ICA1L: variants seen among roughly 807,000 people sequenced by gnomAD.
The protein encoded by ICA1L is islet cell autoantigen 1-like protein.
In ICA1L, 50 loss-of-function variants were observed where a neutral mutation model predicts 61.3. That is an observed-to-expected ratio of 0.82 (90% CI 0.65 to 1.03). ICA1L has a LOEUF of 1.03. Ranked by LOEUF, ICA1L falls within the 50% of genes least tolerant of loss-of-function variation. The probability of loss-of-function intolerance (pLI) is 0.00; values close to 1 mark genes in which losing one functional copy is unlikely to be tolerated. For missense variants in ICA1L, 508 were observed against 556.7 expected (o/e 0.91, Z 0.88); for synonymous variants, 161 against 191.3 (o/e 0.84, Z 1.31).
In ICA1L at chr2:202,853,665, A is replaced by G. The variant is rs184434261; in HGVS notation, c.-8+17954T>C. Among the ~76,000 whole-genome samples, 199 of 152,300 alleles carry G rather than the reference A, an allele frequency of 1.3e-3. 1 individual carries two copies. Among genetic ancestry groups the G allele is most frequent in the African/African-American group, 4.4e-3 (184 of 41,568 alleles). ...AAGAACTCAAACAAATTTACAAGAA[A>G]AAAAAACCCCATCAAAAAGTGGGCA... On this transcript the variant is annotated intron_variant, in intron 1 of 12. Coordinates refer to ENST00000358299, the MANE Select transcript of ICA1L (RefSeq NM_001288622.3).
chr2:202,787,217 A>G (rs554438279), intron 11 of ICA1L, among the ~76,000 whole-genome samples: 22 of 152,322 alleles, frequency 1.4e-4, no homozygotes, highest in African/African-American at 5.1e-4. Flanking sequence ...GTGGTTTTCA[A>G]CTGTTCAGCT....
Position 202,785,922 on chromosome 2 carries a change from T to G in ICA1L, c.1329A>C (p.Thr443=). 1 of 1,529,412 alleles carries G rather than the reference T, an allele frequency of 6.5e-7. No individual in the cohort carries two copies. Among genetic ancestry groups the G allele is most frequent in the Non-Finnish European group, 9.0e-7 (1 of 1,110,978 alleles). The allele number at this position is 1,529,412 out of a possible 1,614,324, so 94.7% of individuals were successfully genotyped here. The part of the protein sequence containing the change: ...PVPSQSPKKL[T]RSPNNGNQDM... The stretch of plus-strand genomic sequence containing the variant: ...ATATATAAATAAATAACTTACATCT[T>G]GTTAATTTCTTTGGACTCTGTGAAG... The change falls in exon 12 of 13, where the codon ACA becomes ACC. Residue 443 remains threonine, a synonymous_variant. Coordinates refer to ENST00000358299, the MANE Select transcript of ICA1L (RefSeq NM_001288622.3).
chr2:202,829,741 G>A (rs866296984), intron 1 of ICA1L, among the ~76,000 whole-genome samples: 4 of 152,012 alleles, frequency 2.6e-5, no homozygotes, highest in Admixed American at 1.3e-4. Flanking sequence ...GATGACAAAC[G>A]TAATAAAACT....
rs1163811696 is a variant in ICA1L at position 202,779,418 on chromosome 2, T to C, written c.*115A>G. The C allele has an allele frequency of 1.7e-6, 1 of 600,032 alleles. No homozygotes were observed. The highest frequency in any genetic ancestry group is 2.9e-6 in the Non-Finnish European group (1 of 344,390). The allele number at this position is 600,032 out of a possible 1,614,324, so 37.2% of individuals were successfully genotyped here. A position where few individuals can be genotyped will look rare whatever the true frequency, so the allele number is the denominator to read the frequency against. ...CTGTCTAAAGTTGGCTGACAGGTGT[T>C]ATATTCACAAACACCGTGCTTTTGT... On this transcript the variant is annotated 3_prime_UTR_variant, in exon 13 of 13. Coordinates refer to ENST00000358299, the MANE Select transcript of ICA1L (RefSeq NM_001288622.3).
chr2:202,801,362 T>C (rs570301340), intron 9 of ICA1L, among the ~76,000 whole-genome samples: 6 of 152,304 alleles, frequency 3.9e-5, no homozygotes, highest in African/African-American at 1.4e-4. Flanking sequence ...ATGCATGAAA[T>C]TGGGATTAAG....
At chr2:202,784,032 CA>C (rs1451145182) in intron 12 of ICA1L, among the ~76,000 whole-genome samples, 17 of 152,088 alleles carry the variant, frequency 1.1e-4, no homozygotes, top group African/African-American at 4.1e-4. Context: ...GAAATTATTT[CA>C]AAATTTAAAG....
At chr2:202,803,105 C>T (rs1381271518) in intron 9 of ICA1L, among the ~76,000 whole-genome samples, 3 of 152,112 alleles carry the variant, frequency 2.0e-5, no homozygotes, top group Middle Eastern at 3.4e-3. Flanking sequence ...AGATGTATCT[C>T]AGTTATAAGG....
chr2:202,846,909 G>A (rs1298434520), intron 1 of ICA1L, among the ~76,000 whole-genome samples: 1 of 152,216 alleles, frequency 6.6e-6, no homozygotes, highest in Non-Finnish European at 1.5e-5. Context: ...TTGTAAGGGA[G>A]CTGGTCTCCC....
At chr2:202,826,982 TAAAAG>T (rs1290132146) in intron 2 of ICA1L, among the ~76,000 whole-genome samples, 2 of 152,162 alleles carry the variant, frequency 1.3e-5, no homozygotes, top group African/African-American at 2.4e-5. Flanking sequence ...ACTAAAATCT[TAAAAG>T]GAGGAGCAGG....
intron 1 of ICA1L, among the ~76,000 whole-genome samples, chr2:202,831,635 A>G (rs1463998813): frequency 6.6e-6 from 1 of 152,148 alleles, no homozygotes; most frequent in Non-Finnish European, 1.5e-5. Context: ...CTCTCTCCAT[A>G]TCTCTTTGGG....
At chr2:202,854,091 G>A (rs1694703860) in intron 1 of ICA1L, among the ~76,000 whole-genome samples, 2 of 152,042 alleles carry the variant, frequency 1.3e-5, no homozygotes, top group Non-Finnish European at 2.9e-5. Flanking sequence ...AAAAGACACA[G>A]ACTGGCAAAT....
At position 202,775,278 on chromosome 2, in the gene ICA1L, G is replaced by A. The variant is rs1226674784; in HGVS notation, c.*4255C>T. 3 of 152,064 alleles carry A rather than the reference G, an allele frequency of 2.0e-5. No homozygotes were observed. Among genetic ancestry groups the A allele is most frequent in the Non-Finnish European group, 2.9e-5 (2 of 68,012 alleles). The allele number at this position is 152,064 out of a possible 1,614,324, so 9.4% of individuals were successfully genotyped here. On this transcript the variant is annotated 3_prime_UTR_variant, in exon 13 of 13. Transcript: ENST00000358299. ...CATTGCTCAAGGTAGAGAAATGCAG[G>A]GCCCTGCCAACACTATGGAAGACAA...
At chr2:202,798,252 G>C (rs571251757) in intron 9 of ICA1L, among the ~76,000 whole-genome samples, 3 of 151,836 alleles carry the variant, frequency 2.0e-5, no homozygotes, top group South Asian at 4.2e-4. Context: ...TTTTGAGAAA[G>C]GGTCATGCTC....
chr2:202,776,193 CAATT>C lies in ICA1L; in HGVS notation c.*3336_*3339del, dbSNP rs1157139077. 6.6e-6 allele frequency: 1 copy of C among 151,764 alleles called. No homozygotes were observed. The highest frequency in any genetic ancestry group is 2.4e-5 in the African/African-American group (1 of 41,060). 9.4% of individuals were successfully genotyped at this position (151,764 alleles called of 1,614,324 possible). On this transcript the variant is annotated 3_prime_UTR_variant, in exon 13 of 13. Coordinates refer to ENST00000358299, the MANE Select transcript of ICA1L (RefSeq NM_001288622.3). The stretch of plus-strand genomic sequence containing the variant: ...TGTTTCTAATCATATCAAGGTTCTA[CAATT>C]AATGAAGGATTTCAAAAACATACAA...
In ICA1L at chr2:202,774,563, T is replaced by C; in HGVS notation, c.*4970A>G. ...CACAGGAAAAAAAGTTGTAATATAC[T>C]CACAGGTCCTAGAGAGACCAGTCAC... is the stretch of plus-strand genomic sequence containing the variant. On this transcript the variant is annotated 3_prime_UTR_variant, in exon 13 of 13. Transcript: ENST00000358299. The C allele has an allele frequency of 2.6e-6, 1 of 378,736 alleles. No homozygotes were observed. 23.5% of individuals were successfully genotyped at this position (378,736 alleles called of 1,614,324 possible). A position where few individuals can be genotyped will look rare whatever the true frequency, so the allele number is the denominator to read the frequency against.
At chr2:202,848,632 C>G (rs1349975333) in intron 1 of ICA1L, among the ~76,000 whole-genome samples, 1 of 152,188 alleles carries the variant, frequency 6.6e-6, no homozygotes, top group African/African-American at 2.4e-5. Flanking sequence ...GACCCCTGAT[C>G]TCAGCCATGG....
At chr2:202,868,300 G>T (rs1167325398) in intron 1 of ICA1L, among the ~76,000 whole-genome samples, 1 of 152,196 alleles carries the variant, frequency 6.6e-6, no homozygotes, top group Non-Finnish European at 1.5e-5. Flanking sequence ...CATGGTAATA[G>T]CTTAAATGAC....
chr2:202,774,219 C>T lies in ICA1L; in HGVS notation c.*5314G>A, dbSNP rs562424155. On this transcript the variant is annotated 3_prime_UTR_variant, in exon 13 of 13. Transcript: ENST00000358299. ...AACTCCAGCAGCGCCGGATCGAAGG[C>T]GCGGGGCGGCTCCTGAGTCTTCTCG... 1.8e-5 allele frequency: 28 copies of T among 1,550,214 alleles called. No homozygotes were observed. The African/African-American group carries it at 3.7e-4, about 20-fold the overall frequency.
Position 202,788,927 on chromosome 2 carries a change from C to A in ICA1L, c.1146G>T (p.Gln382His). ...FGSPSASLTS[Q>H]EPSMGSEPLA... Reference sequence around the variant, plus strand: ...GGGGCTCAGACCCCATGGAAGGCTCCTGGGATGTGAGACTGGCACTGGGGC... The same window carrying A: ...GGGGCTCAGACCCCATGGAAGGCTCATGGGATGTGAGACTGGCACTGGGGC... The change falls in exon 11 of 13, where the codon CAG becomes CAT. Residue 382 changes from glutamine (Q) to histidine (H), a missense_variant. Gln to His is a conservative substitution (Grantham distance 24). Transcript: ENST00000358299. 1 of 1,613,972 alleles carries A rather than the reference C, an allele frequency of 6.2e-7. No homozygotes were observed. The highest frequency in any genetic ancestry group is 8.5e-7 in the Non-Finnish European group (1 of 1,179,890).
Sources: gnomAD v4.1 joint callset for allele counts (sites outside exome capture counted in the v4.1 genomes callset) on GRCh38, gnomAD v4.1.1 for gene constraint, MANE v1.5 for transcripts, NCBI Gene and HGNC (gene_info 2026-07-23, HGNC 2026-07-21) for gene names.